PCDHGA11: variants seen among roughly 807,000 people sequenced by gnomAD.
The protein encoded by PCDHGA11 is protocadherin gamma subfamily A, 11.
PCDHGA11 carries 39 observed loss-of-function variants against 60.4 expected under a neutral mutation model. The ratio of observed to expected loss-of-function variants is 0.65; its 90% confidence interval spans 0.50 to 0.84. The LOEUF is 0.84. Ranked by LOEUF, PCDHGA11 falls within the 40% of genes least tolerant of loss-of-function variation. PCDHGA11 has a pLI of 0.00. For synonymous variants in PCDHGA11, 533 were observed against 510.3 expected, an observed-to-expected ratio of 1.04 and a Z score of -0.60; for missense variants, 1,165 against 1,197.7, an observed-to-expected ratio of 0.97 and a Z score of 0.40.
chr5:141,422,633 G>C lies in PCDHGA11; in HGVS notation c.1406G>C (p.Gly469Ala). ...TACATTCCCGAAAACAACCCCAGGGGTGCCTCCATCTTCTCAGTGACCGCC... is the reference window on the plus strand; with the variant it reads ...TACATTCCCGAAAACAACCCCAGGGCTGCCTCCATCTTCTCAGTGACCGCC... Reference protein sequence around the residue: ...SAYIPENNPRGASIFSVTALD... With the variant: ...SAYIPENNPRAASIFSVTALD... The change falls in exon 1 of 4, where the codon GGT becomes GCT. Residue 469 changes from glycine to alanine, a missense_variant. Gly to Ala is a moderately conservative substitution (Grantham distance 60). Coordinates refer to ENST00000398587, the MANE Select transcript of PCDHGA11 (RefSeq NM_018914.3). 6.2e-7 allele frequency: 1 copy of C among 1,613,120 alleles called. No individual in the cohort carries two copies. The highest frequency in any genetic ancestry group is 8.5e-7 in the Non-Finnish European group (1 of 1,179,452).
At chr5:141,462,235 C>T (rs1389326284) in intron 1 of PCDHGA11, among the ~76,000 whole-genome samples, 1 of 152,206 alleles carries the variant, frequency 6.6e-6, no homozygotes, top group African/African-American at 2.4e-5. Flanking sequence ...GCAGGGATTA[C>T]AGGTATGAGC....
rs370773437 is a variant in PCDHGA11 at position 141,423,131 on chromosome 5, A to C, written c.1904A>C (p.Asp635Ala). Residue 635 changes from aspartate (D) to alanine (A), a missense_variant, in exon 1 of 4, where the codon GAC becomes GCC. Physicochemically the swap from Asp to Ala is moderately radical, Grantham distance 126. Transcript: ENST00000398587. ...GEVRTARALL[D>A]RDALKQSLVV... is the part of the protein sequence containing the mutation. ...GTGCGTACAGCGCGGGCACTGCTGG[A>C]CAGAGACGCGCTCAAGCAGAGCCTC... is the stretch of plus-strand genomic sequence containing the variant. 6.2e-7 allele frequency: 1 copy of C among 1,613,538 alleles called. No homozygotes were observed.
rs775380177 is a variant in PCDHGA11, at chr5:141,422,666, C to T, written c.1439C>T (p.Pro480Leu). The T allele has an allele frequency of 3.1e-6, 5 of 1,608,026 alleles. No individual in the cohort carries two copies. In the South Asian group the frequency reaches 3.3e-5, roughly 11 times the overall value. ...ATCTTCTCAGTGACCGCCCTCGACC[C>T]GGACAGCAAACAGAATGCCCTGGTC... ...ASIFSVTALD[P>L]DSKQNALVTY... The change falls in exon 1 of 4, where the codon CCG becomes CTG. Residue 480 changes from proline (P) to leucine (L), a missense_variant. By Grantham distance (98) the Pro-to-Leu change is moderately conservative. Transcript: ENST00000398587.
chr5:141,470,871 T>C (rs1036871133), intron 1 of PCDHGA11, among the ~76,000 whole-genome samples: 1 of 151,822 alleles, frequency 6.6e-6, no homozygotes, highest in Admixed American at 6.6e-5. Flanking sequence ...TGTTTGTTTG[T>C]TTTTTTGTTT....
chr5:141,431,984 G>A lies in PCDHGA11; in HGVS notation c.2433+8324G>A, dbSNP rs758365921. 2 of 1,614,220 alleles carry A rather than the reference G, an allele frequency of 1.2e-6. No individual in the cohort carries two copies. The highest frequency in any genetic ancestry group is 2.2e-5 in the South Asian group (2 of 91,086). On this transcript the variant is annotated intron_variant, in intron 1 of 3. Transcript: ENST00000398587. The surrounding 1 kb of genome is among the most constrained non-coding windows in gnomAD (Gnocchi z 4.8). ...TTACTATAGTTTAGTCACAGACATAGTCTTGGATAGGGAACAGGTTCCTAG... is the reference window on the plus strand; with the variant it reads ...TTACTATAGTTTAGTCACAGACATAATCTTGGATAGGGAACAGGTTCCTAG...
chr5:141,502,578 T>C (rs2099815145), intron 2 of PCDHGA11, among the ~76,000 whole-genome samples: 1 of 152,198 alleles, frequency 6.6e-6, no homozygotes, highest in African/African-American at 2.4e-5. Context: ...TATAAAAATA[T>C]ATTTTTATAA....
chr5:141,444,194 G>A (rs1209269773), intron 1 of PCDHGA11, among the ~76,000 whole-genome samples: 1 of 67,352 alleles, frequency 1.5e-5, no homozygotes, highest in Non-Finnish European at 2.7e-5. Flanking sequence ...TTTTTGAGAT[G>A]GAGTTTCACT....
intron 1 of PCDHGA11, chr5:141,475,926 G>C: frequency 4.8e-6 from 3 of 619,440 alleles, no homozygotes; most frequent in East Asian, 2.9e-5. Context: ...GCTGGAGATC[G>C]GGCCCCTGCC....
chr5:141,479,801 G>A (rs2099507037), intron 1 of PCDHGA11, among the ~76,000 whole-genome samples: 1 of 152,118 alleles, frequency 6.6e-6, no homozygotes, highest in Non-Finnish European at 1.5e-5. Flanking sequence ...AATTCAGGGT[G>A]GTATGCAAGG....
intron 1 of PCDHGA11, among the ~76,000 whole-genome samples, chr5:141,436,320 G>A (rs1158221950): frequency 6.6e-6 from 1 of 152,120 alleles, no homozygotes; most frequent in African/African-American, 2.4e-5. Flanking sequence ...AGTCAAGACT[G>A]TTAGACCATA....
In PCDHGA11 at chr5:141,491,770, G is replaced by A; in HGVS notation, c.2434-3037G>A. 6.4e-7 allele frequency: 1 copy of A among 1,560,888 alleles called. No individual in the cohort carries two copies. Among genetic ancestry groups the A allele is most frequent in the Non-Finnish European group, 8.7e-7 (1 of 1,154,942 alleles). On this transcript the variant is annotated intron_variant, in intron 1 of 3. Coordinates refer to ENST00000398587, the MANE Select transcript of PCDHGA11 (RefSeq NM_018914.3). This position sits in a 1 kb window ranked among gnomAD's most constrained non-coding sequence, Gnocchi z 6.9. ...TGGAGAAGCCGCCCGTCCTCATAAG[G>A]GATTGAACTTGCATCCACTCCTCTC...
intron 1 of PCDHGA11, among the ~76,000 whole-genome samples, chr5:141,454,353 A>G (rs2098787486): frequency 1.3e-5 from 2 of 152,238 alleles, no homozygotes; most frequent in Non-Finnish European, 2.9e-5. Context: ...AGTTGATCCA[A>G]ACTTAGAAAG....
rs2099710738 is a variant in PCDHGA11, at chr5:141,491,331, T to C, written c.2434-3476T>C. 6.2e-7 allele frequency: 1 copy of C among 1,614,170 alleles called. No homozygotes were observed. The highest frequency in any genetic ancestry group is 8.5e-7 in the Non-Finnish European group (1 of 1,180,018). On this transcript the variant is annotated intron_variant, in intron 1 of 3. Coordinates refer to ENST00000398587, the MANE Select transcript of PCDHGA11 (RefSeq NM_018914.3). The surrounding 1 kb of genome is among the most constrained non-coding windows in gnomAD (Gnocchi z 6.9). ...ACCTTACCCTTTACCTCATTGTGGC[T>C]CTAGCGACCGTCAGTCTCTTATCCC...
At chr5:141,433,020 C>G (rs761127608) in intron 1 of PCDHGA11, 5 of 1,614,152 alleles carry the variant, frequency 3.1e-6, no homozygotes, top group East Asian at 2.2e-5. Flanking sequence ...CAGACCTATT[C>G]CCACGAGGTT....
rs1344329529 is a variant in PCDHGA11, at chr5:141,456,847, C to T, written c.2433+33187C>T. Among the ~76,000 whole-genome samples the T allele has an allele frequency of 2.0e-5, 3 of 152,084 alleles. No homozygotes were observed. The East Asian group carries it at 5.8e-4, about 29-fold the overall frequency. ...TCGTGGTAGTGGGCGCCTGTAATCC[C>T]AGCTAATTGGGAGGCTGAGGCAGGA... On this transcript the variant is annotated intron_variant, in intron 1 of 3. Transcript: ENST00000398587.
At position 141,455,318 on chromosome 5, in the gene PCDHGA11, G is replaced by A. The variant is rs534507768; in HGVS notation, c.2433+31658G>A. On this transcript the variant is annotated intron_variant, in intron 1 of 3. Transcript: ENST00000398587. ...TTTCATCTTGCATTAGCAATTTTGT[G>A]TGTGTGTTTGTGGTTTTAAGGAGCG... is the stretch of plus-strand genomic sequence containing the variant. Among the ~76,000 whole-genome samples the A allele has an allele frequency of 2.4e-4, 37 of 152,186 alleles. No individual in the cohort carries two copies. The South Asian group carries it at 5.6e-3, about 23-fold the overall frequency.
chr5:141,422,969 G>C lies in PCDHGA11; in HGVS notation c.1742G>C (p.Arg581Pro), dbSNP rs1269760845. The change falls in exon 1 of 4, where the codon CGC (arginine) becomes CCC (proline). Residue 581 changes from arginine to proline, a missense_variant. Transcript: ENST00000398587. ...DGSTGVELAP[R>P]SAEPGYLVTK... Reference sequence around the variant, plus strand: ...TCCACTGGCGTGGAGCTGGCGCCCCGCTCTGCGGAACCTGGCTACCTGGTG... The same window carrying C: ...TCCACTGGCGTGGAGCTGGCGCCCCCCTCTGCGGAACCTGGCTACCTGGTG... 1.2e-6 allele frequency: 2 copies of C among 1,614,202 alleles called. No individual in the cohort carries two copies. Among genetic ancestry groups the C allele is most frequent in the South Asian group, 2.2e-5 (2 of 91,088 alleles).
chr5:141,490,549 C>T lies in PCDHGA11; in HGVS notation c.2434-4258C>T, dbSNP rs2099701539. ...TGCTGGTTCACCTTCCCTACACAAA[C>T]ATCTCACCATCAGGCTCAACATTTC... On this transcript the variant is annotated intron_variant, in intron 1 of 3. Transcript: ENST00000398587. The surrounding 1 kb of genome is among the most constrained non-coding windows in gnomAD (Gnocchi z 5.4). The T allele has an allele frequency of 1.9e-6, 3 of 1,614,178 alleles. No homozygotes were observed. The highest frequency in any genetic ancestry group is 1.7e-6 in the Non-Finnish European group (2 of 1,180,024).
Position 141,491,886 on chromosome 5 carries a change from G to A in PCDHGA11, c.2434-2921G>A. On this transcript the variant is annotated intron_variant, in intron 1 of 3. Coordinates refer to ENST00000398587, the MANE Select transcript of PCDHGA11 (RefSeq NM_018914.3). The surrounding 1 kb of genome is among the most constrained non-coding windows in gnomAD (Gnocchi z 6.9). ...CCAGAGTGGCCGATTAAGGGATGGG[G>A]CTCCGAGCACCGGGGGTGGTGGCGA... 6.9e-7 allele frequency: 1 copy of A among 1,445,558 alleles called. No individual in the cohort carries two copies. Among genetic ancestry groups the A allele is most frequent in the Non-Finnish European group, 9.1e-7 (1 of 1,093,458 alleles). 89.5% of individuals were successfully genotyped at this position (1,445,558 alleles called of 1,614,324 possible). A position where few individuals can be genotyped will look rare whatever the true frequency, so the allele number is the denominator to read the frequency against.
Sources: allele counts gnomAD v4.1 joint callset (sites outside exome capture counted in the v4.1 genomes callset), GRCh38; gene constraint gnomAD v4.1.1; non-coding constraint Gnocchi (gnomAD v3.1); transcripts MANE v1.5; gene names NCBI Gene and HGNC (gene_info 2026-07-23, HGNC 2026-07-21).